Variants in MBNL1 observed in about 807,000 individuals in gnomAD.
MBNL1 encodes muscleblind like splicing regulator 1.
A neutral mutation model predicts 42.2 loss-of-function variants in MBNL1; 8 were observed. The ratio of observed to expected loss-of-function variants is 0.19; its 90% CI spans 0.11 to 0.34. The LOEUF (loss-of-function observed/expected upper bound fraction) is 0.34. MBNL1 is among the 10% of genes least tolerant of loss of function. The pLI, the probability that MBNL1 is intolerant of heterozygous loss-of-function variation, is 1.00. For missense variants in MBNL1, 309 were observed against 495.3 expected (o/e 0.62, Z 3.57); for synonymous variants, 169 against 173.9 (o/e 0.97, Z 0.22).
intron 3 of MBNL1, among the ~76,000 whole-genome samples, chr3:152,430,196 G>A (rs2153741822): frequency 6.6e-6 from 1 of 152,220 alleles, no homozygotes; most frequent in Middle Eastern, 3.4e-3. Context: ...TATTTTATTT[G>A]ACGAGATTTA....
intron 2 of MBNL1, among the ~76,000 whole-genome samples, chr3:152,414,720 C>G (rs2098666998): frequency 6.6e-6 from 1 of 152,146 alleles, no homozygotes; most frequent in Non-Finnish European, 1.5e-5. Context: ...AATTGAAACT[C>G]TTTAAGCTTT....
rs750370283 is a variant in MBNL1 at position 152,464,304 on chromosome 3, C to T, written c.*1938C>T. The T allele has an allele frequency of 7.2e-5, 11 of 152,470 alleles. No individual in the cohort carries two copies. Among genetic ancestry groups the T allele is most frequent in the Admixed American group, 2.0e-4 (3 of 15,288 alleles). The allele number at this position is 152,470 out of a possible 1,614,324, so 9.4% of individuals were successfully genotyped here. On this transcript the variant is annotated 3_prime_UTR_variant, in exon 10 of 10. Transcript: ENST00000324210. ...TTACATGTAGTGTCACATGAATATT[C>T]GTATTGTTAACTAAATGATTTATAT...
chr3:152,277,990 C>A (rs1472221615), intron 1 of MBNL1, among the ~76,000 whole-genome samples: 3 of 152,080 alleles, frequency 2.0e-5, no homozygotes, highest in South Asian at 2.1e-4. Context: ...GAAAGTCACA[C>A]TTATTACATG....
intron 2 of MBNL1, among the ~76,000 whole-genome samples, chr3:152,348,557 G>A (rs945830479): frequency 6.6e-6 from 1 of 152,038 alleles, no homozygotes; most frequent in African/African-American, 2.4e-5. Context: ...TATGTAGGTT[G>A]AATTACTCTA....
intron 2 of MBNL1, among the ~76,000 whole-genome samples, chr3:152,313,642 C>G (rs1014233575): frequency 7.9e-5 from 12 of 152,148 alleles, no homozygotes; most frequent in African/African-American, 2.9e-4. Flanking sequence ...TTATCTTTCT[C>G]TTATGGGAGA....
chr3:152,402,808 A>G (rs2098282492), intron 2 of MBNL1, among the ~76,000 whole-genome samples: 1 of 152,188 alleles, frequency 6.6e-6, no homozygotes, highest in Non-Finnish European at 1.5e-5. Flanking sequence ...ATTGGACAGA[A>G]TATCCTATAT....
At chr3:152,456,792 G>A (rs74776769) in intron 8 of MBNL1, among the ~76,000 whole-genome samples, 3 of 152,078 alleles carry the variant, frequency 2.0e-5, no homozygotes, top group Non-Finnish European at 2.9e-5. Context: ...AATGTATTAC[G>A]TATGCCACAA....
chr3:152,283,550 A>G (rs372757073), intron 1 of MBNL1, among the ~76,000 whole-genome samples: 1 of 152,234 alleles, frequency 6.6e-6, no homozygotes. Flanking sequence ...TTCAGATCCC[A>G]TACACTGTCT....
At chr3:152,388,358 C>T (rs1406022861) in intron 2 of MBNL1, among the ~76,000 whole-genome samples, 1 of 152,190 alleles carries the variant, frequency 6.6e-6, no homozygotes. Context: ...ATTAAAATAT[C>T]AGGTTCTTTT....
upstream of MBNL1, chr3:152,268,689 C>T (rs1477590361): frequency 1.6e-5 from 7 of 441,528 alleles, no homozygotes; most frequent in Non-Finnish European, 3.2e-5. Context: ...CGCCGCTGGG[C>T]GACCGCCCAT....
intron 2 of MBNL1, among the ~76,000 whole-genome samples, chr3:152,407,647 T>C (rs747056961): frequency 6.6e-5 from 10 of 152,094 alleles, no homozygotes; most frequent in African/African-American, 1.4e-4. Context: ...CTTATTTAGG[T>C]TAAAGAGTCA....
intron 1 of MBNL1, among the ~76,000 whole-genome samples, chr3:152,290,769 AG>A: frequency 6.6e-6 from 1 of 152,284 alleles, no homozygotes; most frequent in East Asian, 1.9e-4. Context: ...TACTCATTTA[AG>A]TAAGCTTTAG....
At chr3:152,432,602 G>GGA in intron 3 of MBNL1, 115 bp from the exon 4 acceptor site, 1 of 842,702 alleles carries the variant, frequency 1.2e-6, no homozygotes, top group Admixed American at 1.8e-5. Flanking sequence ...TTAAAGGGAA[G>GGA]GAGGGAAGGC....
chr3:152,456,996 G>T (rs1213855540), intron 8 of MBNL1, among the ~76,000 whole-genome samples: 1 of 152,002 alleles, frequency 6.6e-6, no homozygotes, highest in Non-Finnish European at 1.5e-5. Context: ...TGAAGGAAAA[G>T]AAAAGAAATT....
At chr3:152,303,083 A>G (rs1213305754) in intron 2 of MBNL1, among the ~76,000 whole-genome samples, 1 of 152,086 alleles carries the variant, frequency 6.6e-6, no homozygotes, top group Non-Finnish European at 1.5e-5. Flanking sequence ...AAAGAAGTCA[A>G]TTGGTATGTT....
chr3:152,424,123 G>A (rs1469615285), intron 3 of MBNL1, among the ~76,000 whole-genome samples: 3 of 152,208 alleles, frequency 2.0e-5, no homozygotes, highest in Non-Finnish European at 4.4e-5. Flanking sequence ...TAGGAAGAGA[G>A]GAAGTCAAAT....
At chr3:152,294,638 T>C (rs997234887) in intron 1 of MBNL1, among the ~76,000 whole-genome samples, 2 of 152,190 alleles carry the variant, frequency 1.3e-5, no homozygotes, top group Non-Finnish European at 2.9e-5. Context: ...TTATAATGTA[T>C]TGAAATATAG....
chr3:152,248,591 CTT>C (rs1286685002), intron 2 of MBNL1, among the ~76,000 whole-genome samples: 3 of 151,174 alleles, frequency 2.0e-5, no homozygotes, highest in Admixed American at 6.6e-5. Context: ...GAGATAATCT[CTT>C]ATTTTTTTTT....
chr3:152,326,975 T>G (rs1453987129), intron 2 of MBNL1, among the ~76,000 whole-genome samples: 2 of 151,276 alleles, frequency 1.3e-5, no homozygotes, highest in Middle Eastern at 3.4e-3. Flanking sequence ...GCTAATTTTT[T>G]TGTGTGTATT....
Sources: gnomAD v4.1 joint callset for allele counts (sites outside exome capture counted in the v4.1 genomes callset) on GRCh38, gnomAD v4.1.1 for gene constraint, MANE v1.5 for transcripts, NCBI Gene and HGNC (gene_info 2026-07-23, HGNC 2026-07-21) for gene names.